EXOC4: variants seen among roughly 807,000 people sequenced by gnomAD.
EXOC4 encodes the protein SEC8-like 1.
EXOC4 carries 71 observed loss-of-function variants against 107.2 expected under a neutral mutation model. The observed-to-expected ratio is 0.66, with a 90% confidence interval of 0.55 to 0.81. The LOEUF (loss-of-function observed/expected upper bound fraction) is 0.81, where lower values mean the gene tolerates loss of function less well. Ranked by LOEUF, EXOC4 falls within the 30% of genes least tolerant of loss-of-function variation. The pLI is 0.00. For synonymous variants in EXOC4, 456 were observed against 441.2 expected, an observed-to-expected ratio of 1.03 and a Z score of -0.42; for missense variants, 1,108 against 1,189.6, an observed-to-expected ratio of 0.93 and a Z score of 1.01.
intron 9 of EXOC4, among the ~76,000 whole-genome samples, chr7:133,493,154 G>C (rs1799407446): frequency 6.6e-6 from 1 of 152,126 alleles, no homozygotes; most frequent in Non-Finnish European, 1.5e-5. Flanking sequence ...GCCTGGCACG[G>C]TGACTCATGC....
chr7:133,587,173 G>A (rs1801427595), intron 9 of EXOC4, among the ~76,000 whole-genome samples: 1 of 152,098 alleles, frequency 6.6e-6, no homozygotes, highest in Non-Finnish European at 1.5e-5. Context: ...TAGTGACAAG[G>A]AATTGGTAAG....
intron 2 of EXOC4, among the ~76,000 whole-genome samples, chr7:133,276,871 T>C (rs1457405230): frequency 6.6e-6 from 1 of 152,224 alleles, no homozygotes; most frequent in Non-Finnish European, 1.5e-5. Context: ...ATATATGACT[T>C]TCAGCTTCTA....
intron 15 of EXOC4, among the ~76,000 whole-genome samples, chr7:134,002,916 T>G (rs1243412922): frequency 6.6e-6 from 1 of 152,198 alleles, no homozygotes; most frequent in Non-Finnish European, 1.5e-5. Context: ...ATTGGTAATT[T>G]CTTACAAAAG....
rs1798680700 is a variant in EXOC4, at chr7:133,464,806, GGTTGGTTT to G, written c.1183-10521_1183-10514del. Among the ~76,000 whole-genome samples the G allele has an allele frequency of 4.1e-4, 11 of 27,150 alleles. No homozygotes were observed. The Admixed American group carries it at 4.2e-3, about 10-fold the overall frequency. 17.8% of individuals were successfully genotyped at this position (27,150 alleles called of 152,430 possible). A position where few individuals can be genotyped will look rare whatever the true frequency, so the allele number is the denominator to read the frequency against. On this transcript the variant is annotated intron_variant, in intron 7 of 17. Transcript: ENST00000253861. ...TGAAGTTTTTTTTTTTTGTTGGTTG[GGTTGGTTT>G]TTTTTTTTTTTTTTTTTTTTTTGGA...
intron 13 of EXOC4, among the ~76,000 whole-genome samples, chr7:133,930,916 G>T (rs1800161724): frequency 1.3e-5 from 2 of 151,102 alleles, no homozygotes; most frequent in South Asian, 2.1e-4. Context: ...TACCCATTTT[G>T]TGGAACTTTG....
At chr7:133,330,004 T>G (rs1795343335) in intron 5 of EXOC4, among the ~76,000 whole-genome samples, 1 of 152,178 alleles carries the variant, frequency 6.6e-6, no homozygotes, top group African/African-American at 2.4e-5. Flanking sequence ...CGTTTAAGTC[T>G]GCTGAAGCTG....
intron 11 of EXOC4, among the ~76,000 whole-genome samples, chr7:133,874,591 A>G (rs1798812168): frequency 6.6e-6 from 1 of 152,204 alleles, no homozygotes; most frequent in Non-Finnish European, 1.5e-5. Flanking sequence ...AGGGCTCCAG[A>G]TCTCACCTCT....
chr7:134,037,042 A>G (rs188715261), intron 17 of EXOC4, among the ~76,000 whole-genome samples: 367 of 152,300 alleles, frequency 2.4e-3, no homozygotes, highest in Non-Finnish European at 4.5e-3. Flanking sequence ...TCTAGCACTT[A>G]GTTTCCCAGT....
chr7:133,651,328 A>G (rs1803145702), intron 10 of EXOC4, among the ~76,000 whole-genome samples: 2 of 150,770 alleles, frequency 1.3e-5, no homozygotes, highest in South Asian at 2.1e-4. Flanking sequence ...AAAGGATGTT[A>G]TATCTTCAAA....
chr7:133,681,583 A>G (rs1794187974), intron 10 of EXOC4, among the ~76,000 whole-genome samples: 1 of 152,142 alleles, frequency 6.6e-6, no homozygotes, highest in Admixed American at 6.5e-5. Flanking sequence ...GTTTAGAGAA[A>G]ACTTTTTGAA....
intron 14 of EXOC4, among the ~76,000 whole-genome samples, chr7:133,947,344 A>C (rs536181052): frequency 6.6e-6 from 1 of 152,254 alleles, no homozygotes; most frequent in African/African-American, 2.4e-5. Flanking sequence ...GTTGCTTTCA[A>C]AACTGTTAAT....
chr7:134,098,286 C>T, the EXOC4 span, among the ~76,000 whole-genome samples: 3 of 152,238 alleles, frequency 2.0e-5, no homozygotes, highest in African/African-American at 4.8e-5. Flanking sequence ...ATCCCTCACC[C>T]GGTGACATCA....
chr7:133,935,719 C>T (rs1303806266), intron 13 of EXOC4, among the ~76,000 whole-genome samples: 1 of 151,978 alleles, frequency 6.6e-6, no homozygotes, highest in African/African-American at 2.4e-5. Context: ...TAAAAGCATC[C>T]CCTGAATGAT....
intron 12 of EXOC4, among the ~76,000 whole-genome samples, chr7:133,916,212 G>A (rs2080109063): frequency 6.6e-6 from 1 of 152,210 alleles, no homozygotes; most frequent in African/African-American, 2.4e-5. Flanking sequence ...AATAGAATTT[G>A]CGCTCCTGTG....
intron 11 of EXOC4, among the ~76,000 whole-genome samples, chr7:133,848,711 T>C (rs1367329161): frequency 6.6e-6 from 1 of 152,232 alleles, no homozygotes; most frequent in African/African-American, 2.4e-5. Context: ...TTCTCTGGGA[T>C]CTAAAATGTT....
chr7:133,781,818 G>C (rs1445560509), intron 10 of EXOC4, among the ~76,000 whole-genome samples: 1 of 152,158 alleles, frequency 6.6e-6, no homozygotes, highest in Non-Finnish European at 1.5e-5. Context: ...AACTCTTAAT[G>C]CCTTTGGCCA....
At chr7:133,788,282 A>G (rs1253456367) in intron 10 of EXOC4, among the ~76,000 whole-genome samples, 3 of 151,224 alleles carry the variant, frequency 2.0e-5, no homozygotes, top group South Asian at 4.2e-4. Flanking sequence ...TGCAGTGCCA[A>G]TCTCTCCTCT....
chr7:133,894,327 C>G (rs1002859969), intron 11 of EXOC4, among the ~76,000 whole-genome samples: 3 of 108,932 alleles, frequency 2.8e-5, no homozygotes, highest in Non-Finnish European at 5.3e-5. Context: ...GTTATACATT[C>G]TTCTAAATTT....
chr7:133,400,075 T>C (rs1797056088), intron 7 of EXOC4, among the ~76,000 whole-genome samples: 1 of 152,152 alleles, frequency 6.6e-6, no homozygotes, highest in Non-Finnish European at 1.5e-5. Flanking sequence ...CTCAAGACAC[T>C]TGGATCTGCG....
Sources: gnomAD v4.1 joint callset for allele counts (sites outside exome capture counted in the v4.1 genomes callset) on GRCh38, gnomAD v4.1.1 for gene constraint, MANE v1.5 for transcripts, NCBI Gene and HGNC (gene_info 2026-07-23, HGNC 2026-07-21) for gene names.